The following ZNF398 variants were observed in gnomAD, a reference collection of about 807,000 sequenced individuals.
ZNF398 encodes zinc finger DNA binding protein ZER6.
In ZNF398, 18 loss-of-function variants were observed where a neutral mutation model predicts 41.9. That is an observed-to-expected ratio of 0.43 (90% CI 0.30 to 0.64). ZNF398 has a LOEUF of 0.64. Ranked by LOEUF, ZNF398 falls within the 30% of genes least tolerant of loss-of-function variation. ZNF398 has a pLI of 0.14. For synonymous variants in ZNF398, 260 were observed against 308.8 expected (o/e 0.84, Z 1.66); for missense variants, 669 against 822.8 (o/e 0.81, Z 2.29).
rs746891598 is a variant in ZNF398 at position 149,166,287 on chromosome 7, G to A, written c.547+3G>A. 1 of 1,612,250 alleles carries A rather than the reference G, an allele frequency of 6.2e-7. No individual in the cohort carries two copies. The highest frequency in any genetic ancestry group is 1.1e-5 in the South Asian group (1 of 90,820). ...CTACGAGTCTCTCATCTCCATGGGTGAGGCTGAGTTGACACCTTTTGAATG... is the reference window on the plus strand; with the variant it reads ...CTACGAGTCTCTCATCTCCATGGGTAAGGCTGAGTTGACACCTTTTGAATG... On this transcript the variant is annotated splice_donor_region_variant and intron_variant, in intron 3 of 5. Coordinates refer to ENST00000475153, the MANE Select transcript of ZNF398 (RefSeq NM_170686.3).
intron 1 of ZNF398, among the ~76,000 whole-genome samples, chr7:149,127,220 A>G (rs1167892935): frequency 3.9e-5 from 6 of 152,160 alleles, no homozygotes; most frequent in Admixed American, 6.6e-5. Flanking sequence ...TCAACCTCGC[A>G]TTCTGTCCTA....
At chr7:149,132,472 G>A (rs1466280970) in intron 2 of ZNF398, among the ~76,000 whole-genome samples, 1 of 152,100 alleles carries the variant, frequency 6.6e-6, no homozygotes, top group East Asian at 1.9e-4. Flanking sequence ...GGGAATACAG[G>A]CATTAGCCAC....
chr7:149,145,067 T>A (rs1826904877), upstream of ZNF398, among the ~76,000 whole-genome samples: 1 of 152,146 alleles, frequency 6.6e-6, no homozygotes, highest in Non-Finnish European at 1.5e-5. Context: ...AATTACGGAC[T>A]GCATATGTAG....
rs1827041470 is a variant in ZNF398 at position 149,149,058 on chromosome 7, AGG to A, written c.24+1293_24+1294del. ...GTTGTGCACGCCTGTAGTCCCAGCTAGGCCGGGGGCTGAGGCGGAAGAATCAC... is the reference window on the plus strand; with the variant it reads ...GTTGTGCACGCCTGTAGTCCCAGCTACCGGGGGCTGAGGCGGAAGAATCAC... On this transcript the variant is annotated intron_variant, in intron 1 of 5. Transcript: ENST00000475153. Among the ~76,000 whole-genome samples, 6 of 151,688 alleles carry A rather than the reference AGG, an allele frequency of 4.0e-5. No homozygotes were observed. In the East Asian group the frequency reaches 1.2e-3, roughly 29 times the overall value.
intron 2 of ZNF398, among the ~76,000 whole-genome samples, chr7:149,163,622 G>A (rs1430659298): frequency 1.3e-5 from 2 of 151,814 alleles, no homozygotes; most frequent in Admixed American, 6.6e-5. Flanking sequence ...GAGCCACCGC[G>A]CCCGGCCAAG....
At chr7:149,138,973 G>A (rs571275367) in intron 2 of ZNF398, among the ~76,000 whole-genome samples, 11 of 146,380 alleles carry the variant, frequency 7.5e-5, no homozygotes, top group South Asian at 6.4e-4. Flanking sequence ...GTACAGTGAC[G>A]CATCTTGACT....
rs538243074 is a variant in ZNF398 at position 149,154,649 on chromosome 7, C to T, written c.420+309C>T. ...ATTACCCATGAGCCGCTTCTTTCTT[C>T]GTTAACTTGTGTGCCAGATTCTTGG... On this transcript the variant is annotated intron_variant, in intron 2 of 5. Transcript: ENST00000475153. Among the ~76,000 whole-genome samples the T allele has an allele frequency of 3.9e-5, 6 of 152,084 alleles. No homozygotes were observed. In the East Asian group the frequency reaches 7.7e-4, roughly 20 times the overall value.
chr7:149,136,124 AATTT>A (rs58711080), intron 2 of ZNF398, among the ~76,000 whole-genome samples: 80,473 of 150,978 alleles, frequency 0.53, 24,891 homozygotes, highest in East Asian at 0.9. Flanking sequence ...TTATGTTTTA[AATTT>A]ATTTATTTAT....
intron 1 of ZNF398, chr7:149,126,744 A>G (rs1826487138): frequency 6.5e-6 from 1 of 153,724 alleles, no homozygotes; most frequent in Non-Finnish European, 1.4e-5. Flanking sequence ...CCGGGAATCC[A>G]GCGAGGCCGG....
chr7:149,157,172 C>A (rs1401138554), intron 2 of ZNF398, among the ~76,000 whole-genome samples: 1 of 151,906 alleles, frequency 6.6e-6, no homozygotes, highest in African/African-American at 2.4e-5. Flanking sequence ...TTAGGAGTTC[C>A]CCTTTGACAA....
At chr7:149,126,483 C>G (rs1826480301) in exon 1 of ZNF398, 1 of 548,654 alleles carries the variant, frequency 1.8e-6, no homozygotes, top group Non-Finnish European at 3.1e-6. Context: ...TTGAGGGACC[C>G]TTGGACTCCC....
chr7:149,166,074 A>G, intron 2 of ZNF398, 84 bp from the exon 3 acceptor site: 1 of 1,451,830 alleles, frequency 6.9e-7, no homozygotes, highest in Non-Finnish European at 9.4e-7. Context: ...AATGTAAAAA[A>G]AATAAAAGGA....
At chr7:149,128,970 T>G (rs1193882201) in intron 2 of ZNF398, 2 of 151,494 alleles carry the variant, frequency 1.3e-5, no homozygotes, top group African/African-American at 4.9e-5. Context: ...TTGGGCTAAT[T>G]TTTGTATTCT....
At chr7:149,166,346 T>A in intron 3 of ZNF398, 62 bp downstream of exon 3, 1 of 1,591,892 alleles carries the variant, frequency 6.3e-7, no homozygotes, top group Non-Finnish European at 8.6e-7. Context: ...CTCAGAACAG[T>A]CCCTTTTCCT....
Position 149,178,704 on chromosome 7 carries a change from G to C in ZNF398, c.832G>C (p.Val278Leu), listed in dbSNP as rs145718086. The change falls in exon 6 of 6, where the codon GTT becomes CTT. Residue 278 changes from valine to leucine, a missense_variant. Val to Leu is a conservative substitution (Grantham distance 32). Transcript: ENST00000475153. ...GLARSSLCPE[V>L]PVPFSSPPAA... ...TGCTAGATCCTCGTTGTGCCCTGAGGTTCCAGTCCCTTTCTCTTCTCCACC... is the reference window on the plus strand; with the variant it reads ...TGCTAGATCCTCGTTGTGCCCTGAGCTTCCAGTCCCTTTCTCTTCTCCACC... 1 of 1,614,144 alleles carries C rather than the reference G, an allele frequency of 6.2e-7. No homozygotes were observed. Among genetic ancestry groups the C allele is most frequent in the African/African-American group, 1.3e-5 (1 of 75,028 alleles).
rs1795558197 is a variant in ZNF398 at position 149,180,041 on chromosome 7, A to AAG, written c.*241_*242insGA. On this transcript the variant is annotated 3_prime_UTR_variant, in exon 6 of 6. Transcript: ENST00000475153. ...AGGAGCCCAGCATGTCCATCTTTTCAAAGATACAACAAAAGCAGAAGTTAC... is the reference window on the plus strand; with the variant it reads ...AGGAGCCCAGCATGTCCATCTTTTCAAGAAGATACAACAAAAGCAGAAGTTAC... The AAG allele has an allele frequency of 2.4e-6, 1 of 421,252 alleles. No homozygotes were observed. The highest frequency in any genetic ancestry group is 4.2e-6 in the Non-Finnish European group (1 of 236,960). 26.1% of individuals were successfully genotyped at this position (421,252 alleles called of 1,614,324 possible). A position where few individuals can be genotyped will look rare whatever the true frequency, so the allele number is the denominator to read the frequency against.
intron 2 of ZNF398, among the ~76,000 whole-genome samples, chr7:149,132,422 G>A (rs1310112650): frequency 6.6e-6 from 1 of 151,968 alleles, no homozygotes; most frequent in African/African-American, 2.4e-5. Context: ...TCGAACTCCT[G>A]ACCTCATGTG....
chr7:149,133,677 A>ATG (rs1826646180), intron 2 of ZNF398, among the ~76,000 whole-genome samples: 1 of 45,672 alleles, frequency 2.2e-5, no homozygotes, highest in African/African-American at 7.4e-5. Flanking sequence ...ATATATATAT[A>ATG]TACATATATA....
At chr7:149,176,651 A>G in intron 5 of ZNF398, 70 bp downstream of exon 5, 3 of 1,051,000 alleles carry the variant, frequency 2.9e-6, no homozygotes, top group Non-Finnish European at 4.1e-6. Context: ...AAGAAACAGC[A>G]GGTGAAATTT....
Sources: allele counts gnomAD v4.1 joint callset (sites outside exome capture counted in the v4.1 genomes callset), GRCh38; gene constraint gnomAD v4.1.1; transcripts MANE v1.5; gene names NCBI Gene and HGNC (gene_info 2026-07-23, HGNC 2026-07-21).